The following PRKDC variants were observed in gnomAD, a reference collection of about 807,000 sequenced individuals.
PRKDC encodes the protein DNA-dependent protein kinase catalytic subunit.
A neutral mutation model predicts 486.9 loss-of-function variants in PRKDC; 82 were observed. The ratio of observed to expected loss-of-function variants is 0.17; its 90% confidence interval spans 0.14 to 0.20. PRKDC has a LOEUF of 0.20. PRKDC is among the 10% of genes least tolerant of loss of function. PRKDC has a pLI of 1.00. For synonymous variants in PRKDC, 1,895 were observed against 1,837.0 expected (o/e 1.03, Z -0.81); for missense variants, 4,504 against 5,038.2 (o/e 0.89, Z 3.21).
At position 47,898,497 on chromosome 8, in the gene PRKDC, T is replaced by C. The variant is rs2089622594; in HGVS notation, c.3437A>G (p.Asn1146Ser). 1 of 1,561,174 alleles carries C rather than the reference T, an allele frequency of 6.4e-7. No homozygotes were observed. Among genetic ancestry groups the C allele is most frequent in the Non-Finnish European group, 8.7e-7 (1 of 1,147,786 alleles). ...CGGCAAACGTCGTTTCTTTGCTTTATTTAAAGAAACATGCTTCTTTTCAAT... is the reference window on the plus strand; with the variant it reads ...CGGCAAACGTCGTTTCTTTGCTTTACTTAAAGAAACATGCTTCTTTTCAAT... ...RIIEKKHVSL[N>S]KAKKRRLPRG... is the part of the protein sequence containing the mutation. The change falls in exon 29 of 86, where the codon AAT (asparagine) becomes AGT (serine). Residue 1146 changes from asparagine (N) to serine (S), a missense_variant. Transcript: ENST00000314191.
intron 20 of PRKDC, among the ~76,000 whole-genome samples, 152 bp downstream of exon 20, chr8:47,927,619 C>A (rs2090175339): frequency 6.6e-6 from 1 of 152,132 alleles, no homozygotes; most frequent in Admixed American, 6.5e-5. Flanking sequence ...GTCTAAGTCC[C>A]AAAGCCAGTA....
intron 15 of PRKDC, 69 bp downstream of exon 15, chr8:47,933,896 T>C: frequency 1.4e-6 from 2 of 1,434,864 alleles, no homozygotes; most frequent in Non-Finnish European, 1.9e-6. Context: ...GAAATAAGTC[T>C]TATGTCTAAA....
chr8:47,851,778 G>A (rs182005014), intron 52 of PRKDC, among the ~76,000 whole-genome samples: 26 of 152,276 alleles, frequency 1.7e-4, no homozygotes, highest in African/African-American at 6.3e-4. Flanking sequence ...AGGGAGAGGG[G>A]GCTGCCACAG....
intron 77 of PRKDC, among the ~76,000 whole-genome samples, chr8:47,784,587 C>G (rs746306391): frequency 2.6e-5 from 4 of 152,130 alleles, no homozygotes; most frequent in Middle Eastern, 3.2e-3. Context: ...ATGGAATGTA[C>G]ACAGGTTTCC....
intron 22 of PRKDC, among the ~76,000 whole-genome samples, chr8:47,916,212 C>T (rs1379191733): frequency 1.3e-5 from 2 of 152,080 alleles, no homozygotes; most frequent in African/African-American, 2.4e-5. Context: ...TTTTGGGAGG[C>T]CAAGGTGGGC....
chr8:47,906,101 A>G (rs1399287483), intron 25 of PRKDC, among the ~76,000 whole-genome samples: 1 of 152,228 alleles, frequency 6.6e-6, no homozygotes, highest in Non-Finnish European at 1.5e-5. Flanking sequence ...TAATCCCAGC[A>G]TTTTGAGAGG....
At position 47,773,250 on chromosome 8, in the gene PRKDC, C is replaced by G; in HGVS notation, c.*923G>C. Reference sequence around the variant, plus strand: ...TCAGAAACAGTTTGGGTGTGGAGGACTGGCGGGGGGGGACAGGGACTGCAC... The same window carrying G: ...TCAGAAACAGTTTGGGTGTGGAGGAGTGGCGGGGGGGGACAGGGACTGCAC... On this transcript the variant is annotated 3_prime_UTR_variant, in exon 86 of 86. Transcript: ENST00000314191. 1 of 226,418 alleles carries G rather than the reference C, an allele frequency of 4.4e-6. No individual in the cohort carries two copies. Among genetic ancestry groups the G allele is most frequent in the Admixed American group, 5.7e-5 (1 of 17,446 alleles). 14.0% of individuals were successfully genotyped at this position (226,418 alleles called of 1,614,324 possible). A position where few individuals can be genotyped will look rare whatever the true frequency, so the allele number is the denominator to read the frequency against.
At chr8:47,927,386 C>T (rs910825305) in intron 20 of PRKDC, 33 bp from the exon 21 acceptor site, 4 of 1,575,836 alleles carry the variant, frequency 2.5e-6, no homozygotes, top group African/African-American at 1.4e-5. Context: ...TAAACTGAAA[C>T]GCAGGAAATA....
intron 34 of PRKDC, 97 bp from the exon 35 acceptor site, chr8:47,887,802 A>AG: frequency 7.9e-7 from 1 of 1,270,840 alleles, no homozygotes; most frequent in Middle Eastern, 2.6e-4. Context: ...CACTTCAGAT[A>AG]GCACTGACAA....
At chr8:47,834,469 A>C in intron 58 of PRKDC, 73 bp from the exon 59 acceptor site, 3 of 1,483,390 alleles carry the variant, frequency 2.0e-6, no homozygotes, top group Non-Finnish European at 2.8e-6. Context: ...ACCACCTGCC[A>C]GGACACACCT....
At chr8:47,897,043 A>G (rs1336187481) in intron 30 of PRKDC, 118 bp downstream of exon 30, 1 of 1,164,868 alleles carries the variant, frequency 8.6e-7, no homozygotes, top group Non-Finnish European at 1.2e-6. Context: ...AATATTCTGA[A>G]TCTTAACTGA....
chr8:47,821,248 T>C lies in PRKDC; in HGVS notation c.9112-305A>G, dbSNP rs545197027. On this transcript the variant is annotated intron_variant, in intron 65 of 85. Coordinates refer to ENST00000314191, the MANE Select transcript of PRKDC (RefSeq NM_006904.7). ...TTTACAAGCACAGTCAGGATAGGTA[T>C]GGTGTGGAGAAAAGCGGAGAGCCTC... 2.0e-3 allele frequency among the ~76,000 whole-genome samples: 308 copies of C among 152,224 alleles called. 2 individuals carry two copies. The highest frequency in any genetic ancestry group is 3.6e-3 in the Non-Finnish European group (245 of 68,020).
chr8:47,940,811 T>C (rs1418146989), intron 10 of PRKDC, among the ~76,000 whole-genome samples: 1 of 152,150 alleles, frequency 6.6e-6, no homozygotes, highest in Non-Finnish European at 1.5e-5. Flanking sequence ...ACACTATGGC[T>C]CATAAATATC....
intron 23 of PRKDC, among the ~76,000 whole-genome samples, chr8:47,914,730 G>GTC (rs1330464994): frequency 6.6e-6 from 1 of 151,960 alleles, no homozygotes; most frequent in Non-Finnish European, 1.5e-5. Context: ...GAACCTGGGA[G>GTC]GCGGAGGTTG....
chr8:47,958,351 C>G (rs1434662424), intron 1 of PRKDC, among the ~76,000 whole-genome samples: 1 of 152,174 alleles, frequency 6.6e-6, no homozygotes, highest in Admixed American at 6.5e-5. Flanking sequence ...AGAAAGAAAG[C>G]AGCCCTGTCT....
intron 21 of PRKDC, among the ~76,000 whole-genome samples, chr8:47,923,679 G>A (rs2090110436): frequency 6.6e-6 from 1 of 152,198 alleles, no homozygotes; most frequent in Non-Finnish European, 1.5e-5. Flanking sequence ...TGCCATGCTG[G>A]CTGTGAAGGT....
chr8:47,824,101 CAA>C, intron 63 of PRKDC, 105 bp from the exon 64 acceptor site: 5 of 1,135,898 alleles, frequency 4.4e-6, no homozygotes, highest in Non-Finnish European at 5.8e-6. Context: ...ATTATATTAA[CAA>C]GAGACATAAA....
intron 7 of PRKDC, among the ~76,000 whole-genome samples, chr8:47,950,397 G>A (rs931156969): frequency 2.0e-5 from 3 of 152,164 alleles, no homozygotes; most frequent in Middle Eastern, 3.4e-3. Context: ...AGGCCGAGCC[G>A]GGCAGATCAC....
chr8:47,927,694 C>G (rs2090176479), intron 20 of PRKDC, 77 bp downstream of exon 20: 1 of 1,405,014 alleles, frequency 7.1e-7, no homozygotes, highest in Non-Finnish European at 9.3e-7. Flanking sequence ...ACTGCCAGGG[C>G]AAGAGGATGG....
Sources: gnomAD v4.1 joint callset for allele counts (sites outside exome capture counted in the v4.1 genomes callset) on GRCh38, gnomAD v4.1.1 for gene constraint, MANE v1.5 for transcripts, NCBI Gene and HGNC (gene_info 2026-07-23, HGNC 2026-07-21) for gene names.